Variants in SH3GL2 observed in about 807,000 individuals in gnomAD.
The protein encoded by SH3GL2 is endophilin-A1.
A neutral mutation model predicts 46.0 loss-of-function variants in SH3GL2; 24 were observed. That is an observed-to-expected ratio of 0.52 (90% CI 0.38 to 0.73). The LOEUF (loss-of-function observed/expected upper bound fraction) is 0.73, where lower values mean the gene tolerates loss of function less well. SH3GL2 is among the 30% of genes least tolerant of loss of function. The pLI is 0.00. For synonymous variants in SH3GL2, 196 were observed against 147.1 expected (o/e 1.33, Z -2.40); for missense variants, 413 against 424.2 (o/e 0.97, Z 0.23).
chr9:17,691,339 T>C (rs1821072154), intron 1 of SH3GL2, among the ~76,000 whole-genome samples: 1 of 152,192 alleles, frequency 6.6e-6, no homozygotes, highest in African/African-American at 2.4e-5. Flanking sequence ...GCCACAGTTA[T>C]CAATAAAAAC....
At chr9:17,598,971 A>G (rs546028532) in intron 1 of SH3GL2, among the ~76,000 whole-genome samples, 4 of 152,342 alleles carry the variant, frequency 2.6e-5, no homozygotes, top group South Asian at 2.1e-4. Flanking sequence ...TAATTGGTCA[A>G]TGGAACAAAA....
At chr9:17,716,603 T>G (rs866827393) in intron 1 of SH3GL2, among the ~76,000 whole-genome samples, 22 of 152,280 alleles carry the variant, frequency 1.4e-4, no homozygotes, top group Admixed American at 5.2e-4. Context: ...TTCTCAGTCT[T>G]GGTTAGTTTC....
intron 1 of SH3GL2, among the ~76,000 whole-genome samples, chr9:17,629,861 T>A (rs9298781): frequency 0.95 from 144,225 of 152,268 alleles, 68,488 homozygotes; most frequent in East Asian, 1. Context: ...TGGACTTTCA[T>A]ATATTCAGCA....
chr9:17,579,124 T>G lies in SH3GL2; in HGVS notation c.-119T>G. The G allele has an allele frequency of 1.7e-6, 1 of 602,924 alleles. No homozygotes were observed. The highest frequency in any genetic ancestry group is 2.6e-6 in the Non-Finnish European group (1 of 378,916). The allele number at this position is 602,924 out of a possible 1,614,324, so 37.3% of individuals were successfully genotyped here. On this transcript the variant is annotated 5_prime_UTR_variant, in exon 1 of 9. Coordinates refer to ENST00000380607, the MANE Select transcript of SH3GL2 (RefSeq NM_003026.5). ...GCTAGGCTCCGCGCCCTCGCGCCCA[T>G]AGCCCCGGCGGCGGCACGACCAGAG...
chr9:17,726,459 G>T (rs1170872201), intron 1 of SH3GL2, among the ~76,000 whole-genome samples: 1 of 152,178 alleles, frequency 6.6e-6, no homozygotes, highest in Non-Finnish European at 1.5e-5. Flanking sequence ...GATGCAAACA[G>T]TGTGGACTTT....
At chr9:17,787,314 G>T (rs780576547) in intron 4 of SH3GL2, 66 bp from the exon 5 acceptor site, 1 of 1,333,686 alleles carries the variant, frequency 7.5e-7, no homozygotes, top group South Asian at 1.3e-5. Context: ...ATCTGTGAAG[G>T]GCCCTGTTAT....
intron 1 of SH3GL2, among the ~76,000 whole-genome samples, chr9:17,659,613 C>T (rs571669893): frequency 6.6e-6 from 1 of 152,262 alleles, no homozygotes; most frequent in South Asian, 2.1e-4. Flanking sequence ...CTTACACGCT[C>T]TCTGGAATTT....
chr9:17,644,898 G>C (rs1588200798), intron 1 of SH3GL2, among the ~76,000 whole-genome samples: 1 of 151,058 alleles, frequency 6.6e-6, no homozygotes, highest in East Asian at 2.0e-4. Flanking sequence ...CTGTCTCGTT[G>C]ATCTGTCTAA....
chr9:17,793,193 C>T (rs912552051), intron 7 of SH3GL2, among the ~76,000 whole-genome samples, 174 bp from the exon 8 acceptor site: 2 of 152,188 alleles, frequency 1.3e-5, no homozygotes, highest in African/African-American at 4.8e-5. Flanking sequence ...AGGGACATCA[C>T]CAAAATCTCA....
Position 17,667,652 on chromosome 9 carries a change from T to A in SH3GL2, c.46-79414T>A, listed in dbSNP as rs551171171. 4.6e-5 allele frequency among the ~76,000 whole-genome samples: 7 copies of A among 152,334 alleles called. No homozygotes were observed. The South Asian group carries it at 1.5e-3, about 32-fold the overall frequency. On this transcript the variant is annotated intron_variant, in intron 1 of 8. Transcript: ENST00000380607. ...GTGCACGTTTTTGTGGGACAAAATT[T>A]TCTTTTTTTTGCATATACCTTGAGG... is the stretch of plus-strand genomic sequence containing the variant.
intron 1 of SH3GL2, among the ~76,000 whole-genome samples, chr9:17,729,725 C>T (rs1456414291): frequency 6.6e-6 from 1 of 152,130 alleles, no homozygotes; most frequent in African/African-American, 2.4e-5. Flanking sequence ...GTAATTCTTT[C>T]CCCATTGCTT....
intron 1 of SH3GL2, among the ~76,000 whole-genome samples, chr9:17,653,220 G>C (rs1451896383): frequency 6.6e-6 from 1 of 151,746 alleles, no homozygotes; most frequent in East Asian, 1.9e-4. Flanking sequence ...TAACTGTTTT[G>C]TGTCTTGCTC....
intron 1 of SH3GL2, among the ~76,000 whole-genome samples, chr9:17,678,734 G>A (rs933815621): frequency 5.3e-5 from 8 of 152,024 alleles, no homozygotes; most frequent in South Asian, 4.2e-4. Flanking sequence ...GGTAAAGCCT[G>A]GGTTTTCTTC....
intron 3 of SH3GL2, among the ~76,000 whole-genome samples, chr9:17,776,715 C>G (rs1823650302): frequency 6.6e-6 from 1 of 151,296 alleles, no homozygotes; most frequent in Admixed American, 6.6e-5. Context: ...TACCTGGCCA[C>G]CACAGATGAG....
intron 1 of SH3GL2, among the ~76,000 whole-genome samples, chr9:17,688,679 G>C (rs1179201241): frequency 6.6e-6 from 1 of 152,044 alleles, no homozygotes; most frequent in Non-Finnish European, 1.5e-5. Context: ...AGAACATGCT[G>C]ATGGGAGTAT....
chr9:17,687,428 AT>A (rs1820948634), intron 1 of SH3GL2, among the ~76,000 whole-genome samples: 1 of 146,864 alleles, frequency 6.8e-6, no homozygotes, highest in African/African-American at 2.5e-5. Context: ...AGTATGCTGA[AT>A]GGTAACACTG....
At chr9:17,591,479 T>G (rs1042913114) in intron 1 of SH3GL2, among the ~76,000 whole-genome samples, 4 of 152,110 alleles carry the variant, frequency 2.6e-5, no homozygotes, top group African/African-American at 9.7e-5. Context: ...AAGAACTTAT[T>G]TAGATTACAT....
At chr9:17,756,553 C>T (rs751289799) in intron 2 of SH3GL2, among the ~76,000 whole-genome samples, 1 of 148,432 alleles carries the variant, frequency 6.7e-6, no homozygotes, top group African/African-American at 2.5e-5. Flanking sequence ...TCATTTCCCA[C>T]CTATGAGTGA....
At chr9:17,667,422 A>G (rs1387966804) in intron 1 of SH3GL2, among the ~76,000 whole-genome samples, 2 of 152,066 alleles carry the variant, frequency 1.3e-5, no homozygotes, top group African/African-American at 4.8e-5. Context: ...GTCTCTAGGG[A>G]TTTGACTACT....
Sources: allele counts gnomAD v4.1 joint callset (sites outside exome capture counted in the v4.1 genomes callset), GRCh38; gene constraint gnomAD v4.1.1; transcripts MANE v1.5; gene names NCBI Gene and HGNC (gene_info 2026-07-23, HGNC 2026-07-21).